The following EPHA4 variants were observed in gnomAD, a reference collection of about 807,000 sequenced individuals.
The protein encoded by EPHA4 is ephrin type-A receptor 4.
In EPHA4, 19 loss-of-function variants were observed where a neutral mutation model predicts 108.3. That is an observed-to-expected ratio of 0.18 (90% CI 0.12 to 0.26). The LOEUF (loss-of-function observed/expected upper bound fraction) is 0.26, where lower values mean the gene tolerates loss of function less well. Among genes scored for constraint, EPHA4 ranks in the 10% least tolerant of loss-of-function variants. The probability of loss-of-function intolerance (pLI) is 1.00; values close to 1 mark genes in which losing one functional copy is unlikely to be tolerated. For missense variants in EPHA4, 917 were observed against 1,254.0 expected (o/e 0.73, Z 4.06); for synonymous variants, 449 against 455.5 (o/e 0.99, Z 0.18).
chr2:221,421,232 G>A (rs558797149), intron 17 of EPHA4, among the ~76,000 whole-genome samples: 1 of 152,062 alleles, frequency 6.6e-6, no homozygotes, highest in African/African-American at 2.4e-5. Context: ...CCTGGGAGGC[G>A]GAGCTTGCAG....
At chr2:221,535,346 T>G (rs929099442) in intron 3 of EPHA4, among the ~76,000 whole-genome samples, 1 of 152,202 alleles carries the variant, frequency 6.6e-6, no homozygotes, top group Non-Finnish European at 1.5e-5. Context: ...ATAAACTCAT[T>G]TTTGCAACCA....
At chr2:221,539,416 A>G (rs1574645258) in intron 3 of EPHA4, among the ~76,000 whole-genome samples, 1 of 152,208 alleles carries the variant, frequency 6.6e-6, no homozygotes, top group African/African-American at 2.4e-5. Context: ...CATAAGTGAC[A>G]TGAAGGAACG....
intron 8 of EPHA4, among the ~76,000 whole-genome samples, chr2:221,450,468 T>C (rs1690745204): frequency 6.6e-6 from 1 of 152,230 alleles, no homozygotes; most frequent in Non-Finnish European, 1.5e-5. Context: ...TTTGGTTCCA[T>C]AGAACTGCCA....
intron 3 of EPHA4, among the ~76,000 whole-genome samples, chr2:221,510,231 G>A (rs1244448893): frequency 6.6e-6 from 1 of 152,144 alleles, no homozygotes; most frequent in Non-Finnish European, 1.5e-5. Context: ...TTAACATGGG[G>A]TAGAAAACCC....
rs573377569 is a variant in EPHA4 at position 221,571,985 on chromosome 2, G to A, written c.91+173C>T. On this transcript the variant is annotated intron_variant, in intron 1 of 17. Coordinates refer to ENST00000281821, the MANE Select transcript of EPHA4 (RefSeq NM_004438.5). The surrounding 1 kb of genome is among the most constrained non-coding windows in gnomAD (Gnocchi z 6.3). ...ACCGCCTCGGGGCAGGCTGTCCGGC[G>A]GTTCCCCGCTGCCCCTTCGCCGATC... 6.6e-6 allele frequency among the ~76,000 whole-genome samples: 1 copy of A among 152,250 alleles called. No individual in the cohort carries two copies. The highest frequency in any genetic ancestry group is 1.9e-4 in the East Asian group (1 of 5,136).
chr2:221,426,600 C>G lies in EPHA4; in HGVS notation c.2710G>C (p.Asp904His), dbSNP rs1689918329. The G allele has an allele frequency of 6.2e-7, 1 of 1,613,340 alleles. No homozygotes were observed. Among genetic ancestry groups the G allele is most frequent in the Non-Finnish European group, 8.5e-7 (1 of 1,179,884 alleles). The part of the protein sequence containing the change: ...ESSRPNTALL[D>H]PSSPEFSAVV... ...GCAGAGAATTCAGGGGAGCTTGGAT[C>G]CAACAAGGCAGTGTTAGGTCTAGAA... is the stretch of plus-strand genomic sequence containing the variant. Residue 904 changes from aspartate (D) to histidine (H), a missense_variant, in exon 16 of 18, where the codon GAT (aspartate) becomes CAT (histidine). Around this residue, in one of 3 missense-constraint regions of EPHA4, gnomAD observed 133 missense variants for 132.8 expected, o/e 1.00. Transcript: ENST00000281821.
intron 3 of EPHA4, among the ~76,000 whole-genome samples, chr2:221,525,251 G>A (rs10932916): frequency 0.56 from 85,598 of 151,976 alleles, 24,830 homozygotes; most frequent in African/African-American, 0.7. Context: ...ATCACGCTGC[G>A]TGGAACTCCC....
intron 14 of EPHA4, among the ~76,000 whole-genome samples, chr2:221,431,721 G>A (rs762023284): frequency 1.2e-4 from 18 of 152,086 alleles, no homozygotes; most frequent in Non-Finnish European, 1.9e-4. Context: ...TGATGCCAGC[G>A]GAACATAAAT....
chr2:221,536,497 A>G (rs1231815585), intron 3 of EPHA4, among the ~76,000 whole-genome samples: 1 of 152,186 alleles, frequency 6.6e-6, no homozygotes, highest in Admixed American at 6.5e-5. Context: ...ATTAATTCCC[A>G]ATAATTAAGC....
intron 8 of EPHA4, among the ~76,000 whole-genome samples, chr2:221,448,621 A>G (rs187155614): frequency 2.6e-5 from 4 of 152,298 alleles, no homozygotes; most frequent in Admixed American, 1.3e-4. Context: ...ATAACATTTT[A>G]TGTCAGGAAA....
intron 11 of EPHA4, among the ~76,000 whole-genome samples, chr2:221,438,074 C>T (rs1240730203): frequency 6.6e-6 from 1 of 152,072 alleles, no homozygotes; most frequent in African/African-American, 2.4e-5. Flanking sequence ...AACAAACAAA[C>T]AAAAACCCCA....
chr2:221,569,874 ATCAG>A (rs2106214960), intron 1 of EPHA4, among the ~76,000 whole-genome samples: 1 of 152,210 alleles, frequency 6.6e-6, no homozygotes, highest in East Asian at 1.9e-4. Context: ...GGAGTTAAAA[ATCAG>A]TCTCTTTCCC....
At chr2:221,521,474 A>G (rs940533896) in intron 3 of EPHA4, among the ~76,000 whole-genome samples, 20 of 152,158 alleles carry the variant, frequency 1.3e-4, no homozygotes, top group African/African-American at 4.8e-4. Context: ...GTGGGTCATG[A>G]TATGTTTGAG....
At chr2:221,427,495 TC>T (rs1689947197) in intron 15 of EPHA4, among the ~76,000 whole-genome samples, 1 of 152,230 alleles carries the variant, frequency 6.6e-6, no homozygotes, top group Non-Finnish European at 1.5e-5. Flanking sequence ...TTAGTTATCT[TC>T]ATCACCCAAT....
At chr2:221,496,953 C>T (rs1333750710) in intron 4 of EPHA4, among the ~76,000 whole-genome samples, 1 of 152,036 alleles carries the variant, frequency 6.6e-6, no homozygotes, top group Admixed American at 6.6e-5. Context: ...TGAACCTTAA[C>T]TGTACAATAA....
chr2:221,421,428 C>G (rs1052470979), intron 17 of EPHA4, among the ~76,000 whole-genome samples: 1 of 152,248 alleles, frequency 6.6e-6, no homozygotes, highest in Admixed American at 6.5e-5. Flanking sequence ...AAGAGCCATA[C>G]TCTCTACATG....
intron 3 of EPHA4, among the ~76,000 whole-genome samples, chr2:221,538,658 CT>C (rs1243031408): frequency 1.3e-5 from 2 of 152,104 alleles, no homozygotes; most frequent in Non-Finnish European, 2.9e-5. Flanking sequence ...TGAAGTCACT[CT>C]TTGATCTAGT....
rs1694557381 is a variant in EPHA4 at position 221,564,245 on chromosome 2, G to A, written c.309C>T (p.Phe103=). The A allele has an allele frequency of 6.2e-7, 1 of 1,614,150 alleles. No homozygotes were observed. Among genetic ancestry groups the A allele is most frequent in the African/African-American group, 1.3e-5 (1 of 75,036 alleles). The change falls in exon 3 of 18, where the codon TTC becomes TTT. Residue 103 remains phenylalanine (F), a synonymous_variant. Coordinates refer to ENST00000281821, the MANE Select transcript of EPHA4 (RefSeq NM_004438.5). ...GAQRVYIEIK[F]TLRDCNSLPG... ...GAAGACTATTGCAGTCCCTCAAGGT[G>A]AATTTAATCTCAATATACACCCTCT...
At chr2:221,499,754 ATATTTTT>A (rs1219008941) in intron 4 of EPHA4, among the ~76,000 whole-genome samples, 24 of 34,846 alleles carry the variant, frequency 6.9e-4, no homozygotes, top group African/African-American at 3.4e-3. Context: ...ATATATATAT[ATATTTTT>A]TTTTTTTTTT....
Sources: gnomAD v4.1 joint callset for allele counts (sites outside exome capture counted in the v4.1 genomes callset) on GRCh38, gnomAD v4.1.1 for gene constraint, gnomAD v4.1.1 regional missense constraint, Gnocchi (gnomAD v3.1) non-coding constraint, MANE v1.5 for transcripts, NCBI Gene and HGNC (gene_info 2026-07-23, HGNC 2026-07-21) for gene names.